Variants in ANK2 observed in about 807,000 individuals in gnomAD.
ANK2 encodes ankyrin 2.
A neutral mutation model predicts 360.5 loss-of-function variants in ANK2; 83 were observed. That is an observed-to-expected ratio of 0.23 (90% CI 0.19 to 0.28). The LOEUF (loss-of-function observed/expected upper bound fraction) is 0.28, where lower values mean the gene tolerates loss of function less well. Among genes scored for constraint, ANK2 ranks in the 10% least tolerant of loss-of-function variants. The pLI, the probability that ANK2 is intolerant of heterozygous loss-of-function variation, is 1.00. For synonymous variants in ANK2, 1,740 were observed against 1,759.5 expected, an observed-to-expected ratio of 0.99 and a Z score of 0.28; for missense variants, 4,201 against 4,795.7, an observed-to-expected ratio of 0.88 and a Z score of 3.66.
intron 21 of ANK2, 53 bp downstream of exon 21, chr4:113,292,567 C>A: frequency 6.7e-7 from 1 of 1,495,566 alleles, no homozygotes; most frequent in Non-Finnish European, 9.1e-7. Flanking sequence ...TCCTCTCTTG[C>A]CCTGGTGGCT....
At chr4:112,731,880 C>T in the ANK2 span, among the ~76,000 whole-genome samples, 13 of 152,232 alleles carry the variant, frequency 8.5e-5, no homozygotes, top group African/African-American at 2.9e-4. Context: ...TTGCACACTA[C>T]AGCCTTCAAT....
Position 113,353,145 on chromosome 4 carries a change from G to A in ANK2, c.4527G>A (p.Glu1509=). The A allele has an allele frequency of 1.2e-6, 2 of 1,614,044 alleles. No homozygotes were observed. The highest frequency in any genetic ancestry group is 1.7e-6 in the Non-Finnish European group (2 of 1,179,962). ...CGGACTTGCTCTCTGAAGTTTCTGA[G>A]ATGAAACAAGATTTGATCAAAATGA... ...ASPDLLSEVS[E]MKQDLIKMTA... Residue 1509 remains glutamate (E), a synonymous_variant, in exon 38 of 46, where the codon GAG becomes GAA. Transcript: ENST00000357077.
chr4:112,727,942 A>G, the ANK2 span, among the ~76,000 whole-genome samples: 3 of 152,146 alleles, frequency 2.0e-5, no homozygotes, highest in Middle Eastern at 6.8e-3. Flanking sequence ...GCGCCATTGC[A>G]CTCCAGCCTG....
At chr4:112,827,277 G>A in intron 1 of ANK2, 1 of 1,052,050 alleles carries the variant, frequency 9.5e-7, no homozygotes, top group Non-Finnish European at 1.5e-6. Context: ...AGGCAGCCAA[G>A]AGTCATTGTA....
intron 1 of ANK2, among the ~76,000 whole-genome samples, chr4:113,114,979 C>T (rs892813275): frequency 4.6e-5 from 7 of 152,098 alleles, no homozygotes; most frequent in Non-Finnish European, 7.4e-5. Flanking sequence ...TTGCTTGTTG[C>T]GAACATTTTT....
chr4:112,880,062 A>ACTCTCT, intron 1 of ANK2, among the ~76,000 whole-genome samples: 1 of 148,406 alleles, frequency 6.7e-6, no homozygotes, highest in South Asian at 2.1e-4. Context: ...ACACACACAC[A>ACTCTCT]CTCTCTCTCT....
In ANK2 at chr4:113,338,601, G is replaced by C. The variant is rs2093865555; in HGVS notation, c.3797-625G>C. On this transcript the variant is annotated intron_variant, in intron 31 of 45. Coordinates refer to ENST00000357077, the MANE Select transcript of ANK2 (RefSeq NM_001148.6). Reference sequence around the variant, plus strand: ...GTCTTGCTCTGTCGCCCAGGCTGGAGTGCAGTGGCACAATCTCGGCTCACT... The same window carrying C: ...GTCTTGCTCTGTCGCCCAGGCTGGACTGCAGTGGCACAATCTCGGCTCACT... Among the ~76,000 whole-genome samples, 4 of 142,684 alleles carry C rather than the reference G, an allele frequency of 2.8e-5. No individual in the cohort carries two copies. The Admixed American group carries it at 2.9e-4, about 10-fold the overall frequency. The allele number at this position is 142,684 out of a possible 152,430, so 93.6% of individuals were successfully genotyped here.
At chr4:112,965,158 C>T (rs549936411) in intron 2 of ANK2, among the ~76,000 whole-genome samples, 4 of 152,226 alleles carry the variant, frequency 2.6e-5, no homozygotes, top group African/African-American at 4.8e-5. Flanking sequence ...TCCTTGCTAG[C>T]GTTTGTCATT....
intron 24 of ANK2, among the ~76,000 whole-genome samples, chr4:113,312,932 G>A (rs2080868038): frequency 1.3e-5 from 2 of 152,164 alleles, no homozygotes; most frequent in Non-Finnish European, 2.9e-5. Context: ...GAGAGGACTA[G>A]CACTCTAACC....
chr4:112,817,673 A>G (rs1578935206), upstream of ANK2, among the ~76,000 whole-genome samples: 1 of 151,642 alleles, frequency 6.6e-6, no homozygotes, highest in East Asian at 1.9e-4. Flanking sequence ...ATATATATAA[A>G]CTCTTATATA....
intron 2 of ANK2, among the ~76,000 whole-genome samples, chr4:113,180,529 A>G (rs1238147445): frequency 6.6e-6 from 1 of 152,214 alleles, no homozygotes; most frequent in Admixed American, 6.5e-5. Flanking sequence ...AGCCTGTATC[A>G]CCAAATAGAA....
In ANK2 at chr4:113,311,239, C is replaced by G; in HGVS notation, c.2549-16C>G. On this transcript the variant is annotated splice_polypyrimidine_tract_variant and intron_variant, in intron 23 of 45. Transcript: ENST00000357077. ...ATTCAAGAAATAATCCTGCTTCTTCCTCTGATTGTTTCAAGGTGATGACAC... is the reference window on the plus strand; with the variant it reads ...ATTCAAGAAATAATCCTGCTTCTTCGTCTGATTGTTTCAAGGTGATGACAC... The G allele has an allele frequency of 3.1e-6, 5 of 1,614,010 alleles. No individual in the cohort carries two copies. The highest frequency in any genetic ancestry group is 4.2e-6 in the Non-Finnish European group (5 of 1,179,994).
chr4:112,925,164 T>G (rs1228243957), intron 2 of ANK2, among the ~76,000 whole-genome samples: 1 of 152,200 alleles, frequency 6.6e-6, no homozygotes, highest in Non-Finnish European at 1.5e-5. Flanking sequence ...AATTAGAAAC[T>G]ACATTTTTAA....
At chr4:113,029,017 T>C (rs937224180) in intron 2 of ANK2, among the ~76,000 whole-genome samples, 1 of 152,090 alleles carries the variant, frequency 6.6e-6, no homozygotes, top group Non-Finnish European at 1.5e-5. Context: ...CAACTCAGCT[T>C]CTAAAGACCT....
chr4:112,827,311 A>G (rs1259025898), intron 1 of ANK2: 1 of 1,113,064 alleles, frequency 9.0e-7, no homozygotes, highest in Non-Finnish European at 1.4e-6. Context: ...AGAACAGCTG[A>G]GATTAAAGCA....
the ANK2 span, among the ~76,000 whole-genome samples, chr4:112,794,338 T>G: frequency 5.1e-4 from 78 of 152,326 alleles, no homozygotes; most frequent in South Asian, 1.4e-3. Context: ...GATAGACAAG[T>G]CTTCTTGCTT....
intron 2 of ANK2, among the ~76,000 whole-genome samples, chr4:112,948,265 C>T (rs958603346): frequency 1.3e-5 from 2 of 152,146 alleles, no homozygotes; most frequent in African/African-American, 4.8e-5. Flanking sequence ...ACAAAAAAAA[C>T]AGCACTTTGG....
chr4:113,157,360 C>A (rs1250295471), intron 1 of ANK2, among the ~76,000 whole-genome samples: 1 of 152,130 alleles, frequency 6.6e-6, no homozygotes, highest in East Asian at 1.9e-4. Context: ...AACAGAGGGA[C>A]AAATGTTGTC....
the ANK2 span, among the ~76,000 whole-genome samples, chr4:112,808,833 A>G: frequency 6.6e-6 from 1 of 152,172 alleles, no homozygotes; most frequent in South Asian, 2.1e-4. Flanking sequence ...ACAAATGGGT[A>G]TAACAACTGG....
Sources: allele counts gnomAD v4.1 joint callset (sites outside exome capture counted in the v4.1 genomes callset), GRCh38; gene constraint gnomAD v4.1.1; transcripts MANE v1.5; gene names NCBI Gene and HGNC (gene_info 2026-07-23, HGNC 2026-07-21).